The following LDLRAD4 variants were observed in gnomAD, a reference collection of about 807,000 sequenced individuals.
LDLRAD4 encodes the protein low-density lipoprotein receptor class A domain-containing protein 4.
In LDLRAD4, 5 loss-of-function variants were observed where a neutral mutation model predicts 17.0. The ratio of observed to expected loss-of-function variants is 0.29; its 90% CI spans 0.15 to 0.62. The LOEUF (loss-of-function observed/expected upper bound fraction) is 0.62, where lower values mean the gene tolerates loss of function less well. Among genes scored for constraint, LDLRAD4 ranks in the 20% least tolerant of loss-of-function variants. The pLI, the probability that LDLRAD4 is intolerant of heterozygous loss-of-function variation, is 0.84. For synonymous variants in LDLRAD4, 168 were observed against 171.8 expected, an observed-to-expected ratio of 0.98 and a Z score of 0.17; for missense variants, 340 against 424.7, an observed-to-expected ratio of 0.80 and a Z score of 1.75.
intron 5 of LDLRAD4, among the ~76,000 whole-genome samples, chr18:13,644,493 A>G (rs955648878): frequency 2.0e-5 from 3 of 151,188 alleles, no homozygotes; most frequent in African/African-American, 7.3e-5. Flanking sequence ...ACTTGAGCCC[A>G]GAAGGTTAAG....
chr18:13,302,190 C>T (rs1053805622), intron 1 of LDLRAD4, among the ~76,000 whole-genome samples: 5 of 152,198 alleles, frequency 3.3e-5, no homozygotes, highest in South Asian at 4.1e-4. Context: ...CTGCTGTCGC[C>T]GGCTGTTTGT....
chr18:13,274,158 C>G (rs1325940021), upstream of LDLRAD4, among the ~76,000 whole-genome samples: 1 of 152,190 alleles, frequency 6.6e-6, no homozygotes, highest in Non-Finnish European at 1.5e-5. Context: ...TTCCGGGAGG[C>G]TTAGTGTTTC....
At chr18:13,613,014 G>T in intron 3 of LDLRAD4, 1 of 503,060 alleles carries the variant, frequency 2.0e-6, no homozygotes, top group Non-Finnish European at 3.6e-6. Flanking sequence ...TCCTGTTGGA[G>T]GTGTTATGCA....
At chr18:13,628,974 G>A (rs1300654811) in intron 4 of LDLRAD4, among the ~76,000 whole-genome samples, 1 of 152,116 alleles carries the variant, frequency 6.6e-6, no homozygotes, top group Admixed American at 6.5e-5. Context: ...GTGACTATAG[G>A]CACGCGCAAC....
At chr18:13,606,634 T>A (rs1243999895) in intron 3 of LDLRAD4, among the ~76,000 whole-genome samples, 2 of 152,238 alleles carry the variant, frequency 1.3e-5, no homozygotes, top group Non-Finnish European at 2.9e-5. Flanking sequence ...TATAGACTAA[T>A]GTCCACAAAT....
At chr18:13,589,951 TTGGGTGTGCGAG>T (rs1280893546) in intron 3 of LDLRAD4, among the ~76,000 whole-genome samples, 2 of 151,758 alleles carry the variant, frequency 1.3e-5, no homozygotes, top group East Asian at 3.9e-4. Flanking sequence ...AAGGCAGGCA[TTGGGTGTGCGAG>T]TGGGTGTGCA....
At position 13,645,478 on chromosome 18, in the gene LDLRAD4, A is replaced by G; in HGVS notation, c.742A>G (p.Met248Val). Residue 248 changes from methionine to valine, a missense_variant, in exon 6 of 6, where the codon ATG (methionine) becomes GTG (valine). Met to Val is a conservative substitution (Grantham distance 21). Coordinates refer to ENST00000359446, the Ensembl canonical transcript of LDLRAD4. This position sits in a 1 kb window ranked among gnomAD's most constrained non-coding sequence, Gnocchi z 5.7. The stretch of plus-strand genomic sequence containing the variant: ...AAGCACCTGCAGCAGTAACGGGAGG[A>G]TGGAGGGGCCACCCCCCACATACAG... 1 of 1,611,672 alleles carries G rather than the reference A, an allele frequency of 6.2e-7. No individual in the cohort carries two copies. The highest frequency in any genetic ancestry group is 2.2e-5 in the East Asian group (1 of 44,866).
chr18:13,245,466 G>T (rs2042909729), intron 1 of LDLRAD4, among the ~76,000 whole-genome samples: 1 of 152,168 alleles, frequency 6.6e-6, no homozygotes, highest in Non-Finnish European at 1.5e-5. Context: ...TGGGGCATTG[G>T]CATTATTAGC....
intron 3 of LDLRAD4, among the ~76,000 whole-genome samples, chr18:13,519,379 T>G (rs1277171344): frequency 1.3e-5 from 2 of 152,218 alleles, no homozygotes; most frequent in Non-Finnish European, 2.9e-5. Flanking sequence ...GTCAGCTCTT[T>G]CCCTGTCTGC....
chr18:13,547,384 G>C (rs540318816), intron 3 of LDLRAD4, among the ~76,000 whole-genome samples: 26 of 152,368 alleles, frequency 1.7e-4, no homozygotes, highest in African/African-American at 6.0e-4. Context: ...TGCGTCTGCT[G>C]TATCAGTGTC....
intron 1 of LDLRAD4, among the ~76,000 whole-genome samples, chr18:13,288,946 G>T (rs1459159917): frequency 1.3e-5 from 2 of 152,236 alleles, no homozygotes; most frequent in East Asian, 1.9e-4. Context: ...GGAAAGAAAT[G>T]AACAAGCACA....
At chr18:13,542,743 C>A (rs1042501591) in intron 3 of LDLRAD4, among the ~76,000 whole-genome samples, 2 of 152,114 alleles carry the variant, frequency 1.3e-5, no homozygotes, top group South Asian at 2.1e-4. Flanking sequence ...TCTTTTGGGT[C>A]CTTGGTGTTT....
chr18:13,282,156 A>G (rs1054679594), intron 1 of LDLRAD4, among the ~76,000 whole-genome samples: 1 of 152,162 alleles, frequency 6.6e-6, no homozygotes, highest in Non-Finnish European at 1.5e-5. Flanking sequence ...GGTCCCTCCC[A>G]TAACACGTGG....
chr18:13,282,196 T>C (rs2045324088), intron 1 of LDLRAD4, among the ~76,000 whole-genome samples: 1 of 152,150 alleles, frequency 6.6e-6, no homozygotes, highest in Non-Finnish European at 1.5e-5. Context: ...TCAAGTTGAC[T>C]TGTGGGAACA....
intron 1 of LDLRAD4, among the ~76,000 whole-genome samples, chr18:13,375,455 A>T (rs1370599938): frequency 6.6e-6 from 1 of 152,126 alleles, no homozygotes; most frequent in Non-Finnish European, 1.5e-5. Flanking sequence ...GACGTGGGGA[A>T]TCCCTGTGGC....
intron 1 of LDLRAD4, among the ~76,000 whole-genome samples, chr18:13,271,921 A>C (rs2044574447): frequency 8.3e-6 from 1 of 120,172 alleles, no homozygotes; most frequent in Admixed American, 9.1e-5. Context: ...TTTTTTTAAG[A>C]CGGAGTCTTG....
chr18:13,352,553 C>G (rs1355708074), intron 1 of LDLRAD4, among the ~76,000 whole-genome samples: 3 of 152,082 alleles, frequency 2.0e-5, no homozygotes, highest in Admixed American at 6.5e-5. Flanking sequence ...TTGAATATGT[C>G]TTGGTGTGGG....
At chr18:13,556,695 G>C (rs535129727) in intron 3 of LDLRAD4, among the ~76,000 whole-genome samples, 1 of 152,282 alleles carries the variant, frequency 6.6e-6, no homozygotes, top group South Asian at 2.1e-4. Context: ...TTGCTAATGG[G>C]ATACACGGGA....
chr18:13,535,298 G>A (rs78677614), intron 3 of LDLRAD4, among the ~76,000 whole-genome samples: 1,617 of 152,232 alleles, frequency 0.011, 34 homozygotes, highest in African/African-American at 0.038. Flanking sequence ...AATGAATGGG[G>A]GTTCTGATTG....
Sources: gnomAD v4.1 joint callset for allele counts (sites outside exome capture counted in the v4.1 genomes callset) on GRCh38, gnomAD v4.1.1 for gene constraint, Gnocchi (gnomAD v3.1) non-coding constraint, MANE v1.5 for transcripts, NCBI Gene and HGNC (gene_info 2026-07-23, HGNC 2026-07-21) for gene names.